The following PTGR2 variants were observed in gnomAD, a reference collection of about 807,000 sequenced individuals.
PTGR2 encodes 15-oxoprostaglandin 13-reductase.
PTGR2 carries 32 observed loss-of-function variants against 43.4 expected under a neutral mutation model. The observed-to-expected ratio is 0.74, with a 90% CI of 0.56 to 0.99. The LOEUF (loss-of-function observed/expected upper bound fraction) is 0.99, where lower values mean the gene tolerates loss of function less well. Ranked by LOEUF, PTGR2 falls within the 50% of genes least tolerant of loss-of-function variation. PTGR2 has a pLI of 0.00. For synonymous variants in PTGR2, 106 were observed against 139.2 expected (o/e 0.76, Z 1.68); for missense variants, 373 against 420.0 (o/e 0.89, Z 0.98).
chr14:73,852,578 C>T (rs1015022306), intron 1 of PTGR2, among the ~76,000 whole-genome samples: 1 of 152,078 alleles, frequency 6.6e-6, no homozygotes, highest in Non-Finnish European at 1.5e-5. Flanking sequence ...ACAAAGCAGA[C>T]GAGTCCTTAT....
At chr14:73,857,238 GT>G (rs200670094) in intron 1 of PTGR2, among the ~76,000 whole-genome samples, 90 of 144,488 alleles carry the variant, frequency 6.2e-4, no homozygotes, top group East Asian at 1.2e-3. Flanking sequence ...AGGAATTTCC[GT>G]TTTTTTTTTT....
At chr14:73,880,201 T>C in intron 7 of PTGR2, 25 bp downstream of exon 7, 1 of 1,612,400 alleles carries the variant, frequency 6.2e-7, no homozygotes, top group South Asian at 1.1e-5. Context: ...TTTGCCCTTA[T>C]TACCAGGTTC....
intron 1 of PTGR2, among the ~76,000 whole-genome samples, chr14:73,857,807 T>TA (rs1236652253): frequency 2.6e-5 from 4 of 150,962 alleles, no homozygotes; most frequent in Non-Finnish European, 5.9e-5. Flanking sequence ...TAGCTGGGAC[T>TA]ACAGGCTCCC....
At chr14:73,880,259 T>A (rs2054951953) in intron 7 of PTGR2, 83 bp downstream of exon 7, 1 of 1,517,472 alleles carries the variant, frequency 6.6e-7, no homozygotes, top group Admixed American at 1.7e-5. Context: ...TTGTTCTTCA[T>A]AGACACTTTT....
At chr14:73,876,462 C>T (rs1449311139) in intron 4 of PTGR2, among the ~76,000 whole-genome samples, 4 of 134,648 alleles carry the variant, frequency 3.0e-5, no homozygotes, top group Non-Finnish European at 6.4e-5. Flanking sequence ...CTTGTTTCTT[C>T]TTCTTCTAAG....
At position 73,859,997 on chromosome 14, in the gene PTGR2, C is replaced by T. The variant is rs574429815; in HGVS notation, c.38-542C>T. Reference sequence around the variant, plus strand: ...CCGAGTAGCTGGGACTACAGGCGTGCGCCACCACGCCTGGCTAGTTTTTGT... The same window carrying T: ...CCGAGTAGCTGGGACTACAGGCGTGTGCCACCACGCCTGGCTAGTTTTTGT... On this transcript the variant is annotated intron_variant, in intron 2 of 9. Coordinates refer to ENST00000555661, the MANE Select transcript of PTGR2 (RefSeq NM_001146154.2). Among the ~76,000 whole-genome samples, 64 of 151,608 alleles carry T rather than the reference C, an allele frequency of 4.2e-4. 1 individual carries two copies. Among genetic ancestry groups the T allele is most frequent in the African/African-American group, 1.1e-3 (44 of 41,280 alleles).
chr14:73,871,580 C>CCAA (rs2054734760), intron 3 of PTGR2, among the ~76,000 whole-genome samples: 3 of 151,872 alleles, frequency 2.0e-5, no homozygotes, highest in Non-Finnish European at 4.4e-5. Flanking sequence ...CAGACCATAA[C>CCAA]CTAGGGCTTG....
intron 6 of PTGR2, 110 bp from the exon 7 acceptor site, chr14:73,879,945 C>CG (rs1757692103): frequency 9.6e-7 from 1 of 1,038,094 alleles, no homozygotes; most frequent in Admixed American, 2.3e-5. Flanking sequence ...AAAAAAAAAT[C>CG]GAACTAGTTG....
intron 1 of PTGR2, among the ~76,000 whole-genome samples, chr14:73,857,240 T>TTG (rs1566633783): frequency 6.7e-6 from 1 of 149,148 alleles, no homozygotes; most frequent in Non-Finnish European, 1.5e-5. Flanking sequence ...GAATTTCCGT[T>TTG]TTTTTTTTTT....
chr14:73,882,285 ATCTAT>A (rs1404401899), intron 8 of PTGR2, 109 bp from the exon 9 acceptor site: 7 of 670,886 alleles, frequency 1.0e-5, no homozygotes, highest in Non-Finnish European at 1.6e-5. Context: ...AATAAAGAAT[ATCTAT>A]TTTTAGACAA....
Position 73,854,345 on chromosome 14 carries a change from A to G in PTGR2, c.-48+2402A>G, listed in dbSNP as rs576344453. Among the ~76,000 whole-genome samples the G allele has an allele frequency of 3.3e-5, 5 of 151,964 alleles. No individual in the cohort carries two copies. In the South Asian group the frequency reaches 1.0e-3, roughly 32 times the overall value. ...TCAAACTCCTGACCTCAAGTGATCC[A>G]CCTGCCTCAGCCTCCCAAAGTGCTA... is the stretch of plus-strand genomic sequence containing the variant. On this transcript the variant is annotated intron_variant, in intron 1 of 9. Coordinates refer to ENST00000555661, the MANE Select transcript of PTGR2 (RefSeq NM_001146154.2).
At chr14:73,864,996 G>T (rs961325240) in intron 3 of PTGR2, among the ~76,000 whole-genome samples, 2 of 151,978 alleles carry the variant, frequency 1.3e-5, no homozygotes, top group Non-Finnish European at 2.9e-5. Flanking sequence ...ATGAGGAAGG[G>T]GTCTGTATTA....
chr14:73,873,916 G>T, intron 3 of PTGR2, 107 bp from the exon 4 acceptor site: 1 of 734,086 alleles, frequency 1.4e-6, no homozygotes, highest in African/African-American at 1.8e-5. Flanking sequence ...TGATTTTTAT[G>T]TATTGTGTGC....
chr14:73,865,515 A>G lies in PTGR2; in HGVS notation c.156+4858A>G, dbSNP rs552621664. 5.9e-5 allele frequency among the ~76,000 whole-genome samples: 9 copies of G among 152,294 alleles called. No homozygotes were observed. In the East Asian group the frequency reaches 1.7e-3, roughly 29 times the overall value. The stretch of plus-strand genomic sequence containing the variant: ...AACACCCTCAAGGACATATCCAGAA[A>G]CAATGCTTCACAAGCCATCTAGGCA... On this transcript the variant is annotated intron_variant, in intron 3 of 9. Transcript: ENST00000555661.
At chr14:73,876,352 T>C (rs2054864522) in intron 4 of PTGR2, among the ~76,000 whole-genome samples, 1 of 152,082 alleles carries the variant, frequency 6.6e-6, no homozygotes, top group Non-Finnish European at 1.5e-5. Flanking sequence ...TTCTGGAAAA[T>C]TTGGTTTCTG....
At chr14:73,883,776 A>G (rs2055060118) in intron 9 of PTGR2, among the ~76,000 whole-genome samples, 1 of 152,026 alleles carries the variant, frequency 6.6e-6, no homozygotes, top group Admixed American at 6.5e-5. Context: ...GTGAGGCCCC[A>G]TGCCCGGCCT....
intron 1 of PTGR2, among the ~76,000 whole-genome samples, chr14:73,856,539 C>T (rs551566420): frequency 3.0e-4 from 46 of 152,326 alleles, no homozygotes; most frequent in African/African-American, 1.1e-3. Context: ...GGGTGAGCCA[C>T]CGCTCCCAGC....
chr14:73,873,902 G>A (rs34345010), intron 3 of PTGR2, 121 bp from the exon 4 acceptor site: 84,507 of 640,192 alleles, frequency 0.13, 6,537 homozygotes, highest in Admixed American at 0.22. Context: ...AATGTATTTT[G>A]AGTTGATTTT....
intron 3 of PTGR2, among the ~76,000 whole-genome samples, chr14:73,872,491 A>AT (rs1443620905): frequency 1.3e-5 from 2 of 152,288 alleles, no homozygotes; most frequent in South Asian, 2.1e-4. Context: ...ATTTTGTATT[A>AT]TTTTTTGCTG....
Sources: gnomAD v4.1 joint callset for allele counts (sites outside exome capture counted in the v4.1 genomes callset) on GRCh38, gnomAD v4.1.1 for gene constraint, MANE v1.5 for transcripts, NCBI Gene and HGNC (gene_info 2026-07-23, HGNC 2026-07-21) for gene names.